Variants in ITGA1 observed in about 807,000 individuals in gnomAD.
The protein encoded by ITGA1 is integrin subunit alpha 1, also known as integrin alpha-1.
In ITGA1, 85 loss-of-function variants were observed where a neutral mutation model predicts 145.9. That is an observed-to-expected ratio of 0.58 (90% confidence interval 0.49 to 0.70). The LOEUF (loss-of-function observed/expected upper bound fraction) is 0.70. Ranked by LOEUF, ITGA1 falls within the 30% of genes least tolerant of loss-of-function variation. The pLI is 0.00. For synonymous variants in ITGA1, 520 were observed against 495.3 expected (o/e 1.05, Z -0.66); for missense variants, 1,351 against 1,418.7 (o/e 0.95, Z 0.77).
At chr5:52,911,269 A>T (rs1045216457) in intron 14 of ITGA1, among the ~76,000 whole-genome samples, 1 of 135,892 alleles carries the variant, frequency 7.4e-6, no homozygotes, top group African/African-American at 2.7e-5. Context: ...TATATAGTAT[A>T]TGTAGTGTAT....
chr5:52,846,608 A>G (rs888582510), intron 1 of ITGA1, among the ~76,000 whole-genome samples: 1 of 152,220 alleles, frequency 6.6e-6, no homozygotes, highest in African/African-American at 2.4e-5. Context: ...GTGAAAGACT[A>G]TTATGCAGAA....
intron 1 of ITGA1, among the ~76,000 whole-genome samples, chr5:52,792,994 C>T (rs184383621): frequency 3.3e-5 from 5 of 152,146 alleles, no homozygotes; most frequent in African/African-American, 7.2e-5. Context: ...TTTATTATGC[C>T]AGCTACTCTA....
chr5:52,825,142 T>A (rs775507502), intron 1 of ITGA1: 9 of 152,210 alleles, frequency 5.9e-5, no homozygotes, highest in Non-Finnish European at 1.3e-4. Flanking sequence ...TACAGATCTG[T>A]TTTCTGTTCC....
At chr5:52,864,062 A>T (rs1302340678) in intron 3 of ITGA1, 2 of 152,226 alleles carry the variant, frequency 1.3e-5, no homozygotes, top group African/African-American at 4.8e-5. Flanking sequence ...TCTTTCTAAT[A>T]TTCCACTCTA....
chr5:52,854,273 A>G (rs1749473155), intron 2 of ITGA1, among the ~76,000 whole-genome samples: 1 of 152,046 alleles, frequency 6.6e-6, no homozygotes, highest in South Asian at 2.1e-4. Context: ...AAGAAAAAAG[A>G]ATCCCTGCTA....
At chr5:52,913,049 A>T (rs542843027) in intron 14 of ITGA1, among the ~76,000 whole-genome samples, 2 of 151,866 alleles carry the variant, frequency 1.3e-5, no homozygotes, top group East Asian at 3.9e-4. Flanking sequence ...CCTGGCCGTA[A>T]TTACTTTATA....
chr5:52,836,245 G>A (rs1749159916), intron 1 of ITGA1, among the ~76,000 whole-genome samples: 1 of 152,120 alleles, frequency 6.6e-6, no homozygotes, highest in South Asian at 2.1e-4. Context: ...CAGTTCCATG[G>A]TGAGGATTAT....
intron 1 of ITGA1, among the ~76,000 whole-genome samples, chr5:52,835,010 G>T (rs182262113): frequency 6.6e-6 from 1 of 152,198 alleles, no homozygotes; most frequent in Admixed American, 6.5e-5. Context: ...GACGTAAAAG[G>T]CATTCTGAGT....
At chr5:52,910,037 T>C (rs921083888) in intron 13 of ITGA1, 125 bp from the exon 14 acceptor site, 6 of 927,322 alleles carry the variant, frequency 6.5e-6, no homozygotes, top group African/African-American at 3.3e-5. Context: ...TTTTAAGAAA[T>C]TTTACCAACT....
chr5:52,800,308 T>A, intron 1 of ITGA1: 1 of 1,483,884 alleles, frequency 6.7e-7, no homozygotes, highest in Admixed American at 1.8e-5. Context: ...GCCCCCTTCC[T>A]GGCCTGCATT....
chr5:52,891,716 A>G (rs568372508), intron 8 of ITGA1, among the ~76,000 whole-genome samples: 2 of 151,982 alleles, frequency 1.3e-5, no homozygotes, highest in South Asian at 4.1e-4. Flanking sequence ...GTCCTAATAT[A>G]CAGAAATACA....
intron 1 of ITGA1, among the ~76,000 whole-genome samples, chr5:52,833,782 C>T (rs1315018578): frequency 1.3e-5 from 2 of 151,988 alleles, no homozygotes; most frequent in Non-Finnish European, 2.9e-5. Context: ...AAATATAACT[C>T]CATAAACTAT....
At chr5:52,921,618 C>G (rs974568142) in intron 17 of ITGA1, among the ~76,000 whole-genome samples, 1 of 152,196 alleles carries the variant, frequency 6.6e-6, no homozygotes, top group African/African-American at 2.4e-5. Context: ...TAAAAATCAT[C>G]TCAGTCTATG....
rs1751323778 is a variant in ITGA1 at position 52,957,684 on chromosome 5, C to T, written c.*5233C>T. On this transcript the variant is annotated 3_prime_UTR_variant, in exon 29 of 29. Transcript: ENST00000282588. Reference sequence around the variant, plus strand: ...TTGGGGTTTCCTCAGCAAGGCCATTCTCTGCCTTGTGCCCATAGCAGGGCC... The same window carrying T: ...TTGGGGTTTCCTCAGCAAGGCCATTTTCTGCCTTGTGCCCATAGCAGGGCC... The T allele has an allele frequency of 6.6e-6, 1 of 152,234 alleles. No homozygotes were observed. Among genetic ancestry groups the T allele is most frequent in the African/African-American group, 2.4e-5 (1 of 41,442 alleles). 9.4% of individuals were successfully genotyped at this position (152,234 alleles called of 1,614,324 possible).
intron 1 of ITGA1, among the ~76,000 whole-genome samples, chr5:52,829,323 C>G (rs1197992621): frequency 6.6e-6 from 1 of 151,894 alleles, no homozygotes; most frequent in African/African-American, 2.4e-5. Flanking sequence ...GCCAGGAGTT[C>G]AAGATGAGTT....
At chr5:52,863,249 A>G (rs975817100) in intron 3 of ITGA1, among the ~76,000 whole-genome samples, 1 of 152,242 alleles carries the variant, frequency 6.6e-6, no homozygotes, top group African/African-American at 2.4e-5. Flanking sequence ...GCTATTTGAA[A>G]TATACTCTGC....
At chr5:52,805,490 A>C (rs1748572241) in intron 1 of ITGA1, among the ~76,000 whole-genome samples, 1 of 152,196 alleles carries the variant, frequency 6.6e-6, no homozygotes, top group Non-Finnish European at 1.5e-5. Flanking sequence ...AGATGGGATC[A>C]AAAGGACATG....
intron 1 of ITGA1, among the ~76,000 whole-genome samples, chr5:52,835,314 C>T (rs1322113704): frequency 6.6e-6 from 1 of 152,060 alleles, no homozygotes; most frequent in Non-Finnish European, 1.5e-5. Flanking sequence ...TACATGTAAA[C>T]CAGTTACCTT....
chr5:52,850,236 G>A (rs768616921), intron 2 of ITGA1, among the ~76,000 whole-genome samples: 17 of 151,894 alleles, frequency 1.1e-4, no homozygotes, highest in African/African-American at 1.5e-4. Context: ...TTTTGACCTC[G>A]TGATCCACCC....
Sources: allele counts gnomAD v4.1 joint callset (sites outside exome capture counted in the v4.1 genomes callset), GRCh38; gene constraint gnomAD v4.1.1; transcripts MANE v1.5; gene names NCBI Gene and HGNC (gene_info 2026-07-23, HGNC 2026-07-21).